NUP133: variants seen among roughly 807,000 people sequenced by gnomAD.
The protein encoded by NUP133 is nucleoporin 133, also known as nuclear pore complex protein Nup133.
A neutral mutation model predicts 146.2 loss-of-function variants in NUP133; 66 were observed. The observed-to-expected ratio is 0.45, with a 90% CI of 0.37 to 0.55. The LOEUF (loss-of-function observed/expected upper bound fraction) is 0.55. Among genes scored for constraint, NUP133 ranks in the 20% least tolerant of loss-of-function variants. NUP133 has a pLI of 0.00. For synonymous variants in NUP133, 521 were observed against 498.8 expected (o/e 1.04, Z -0.59); for missense variants, 1,277 against 1,374.8 (o/e 0.93, Z 1.12).
At position 229,463,643 on chromosome 1, in the gene NUP133, A is replaced by G; in HGVS notation, c.2585T>C (p.Leu862Pro). The G allele has an allele frequency of 6.2e-7, 1 of 1,614,060 alleles. No homozygotes were observed. Among genetic ancestry groups the G allele is most frequent in the South Asian group, 1.1e-5 (1 of 91,056 alleles). The stretch of plus-strand genomic sequence containing the variant: ...ATCAAAGTCACAGTATTTCTCTGCT[A>G]GAGAAGCAGCCCACAGGTACTGGCC... ...SLGQYLWAAS[L>P]AEKYCDFDIL... Residue 862 changes from leucine to proline, a missense_variant, in exon 19 of 26, where the codon CTA (leucine) becomes CCA (proline). Coordinates refer to ENST00000261396, the MANE Select transcript of NUP133 (RefSeq NM_018230.3).
Position 229,496,032 on chromosome 1 carries a change from A to G in NUP133, c.835T>C (p.Trp279Arg). Residue 279 changes from tryptophan (W) to arginine (R), a missense_variant, in exon 7 of 26, where the codon TGG becomes CGG. Physicochemically the swap from Trp to Arg is moderately radical, Grantham distance 101. Coordinates refer to ENST00000261396, the MANE Select transcript of NUP133 (RefSeq NM_018230.3). Reference sequence around the variant, plus strand: ...TAAAAGCTTGATCTCTCTCTATCCCAGAGAACACTTGAAAGCTATTCAGAA... The same window carrying G: ...TAAAAGCTTGATCTCTCTCTATCCCGGAGAACACTTGAAAGCTATTCAGAA... ...SSDLTLSSVL[W>R]DRERSSFYSL... 6.3e-7 allele frequency: 1 copy of G among 1,586,272 alleles called. No individual in the cohort carries two copies. The highest frequency in any genetic ancestry group is 8.5e-7 in the Non-Finnish European group (1 of 1,171,156).
At position 229,500,878 on chromosome 1, in the gene NUP133, C is replaced by A. The variant is rs764902998; in HGVS notation, c.406-15G>T. On this transcript the variant is annotated splice_polypyrimidine_tract_variant and intron_variant, in intron 3 of 25. Coordinates refer to ENST00000261396, the MANE Select transcript of NUP133 (RefSeq NM_018230.3). ...CAAACGGATAACTGTAGAACAAACC[C>A]AAACAGAAAATCTTTCACATCAAAT... 1 of 1,545,010 alleles carries A rather than the reference C, an allele frequency of 6.5e-7. No homozygotes were observed. The highest frequency in any genetic ancestry group is 1.7e-5 in the Admixed American group (1 of 57,324).
chr1:229,505,508 T>G lies in NUP133; in HGVS notation c.301+532A>C, dbSNP rs115608346. 3.3e-3 allele frequency among the ~76,000 whole-genome samples: 495 copies of G among 150,238 alleles called. 4 individuals carry two copies. The highest frequency in any genetic ancestry group is 0.011 in the African/African-American group (440 of 40,792). On this transcript the variant is annotated intron_variant, in intron 2 of 25. Transcript: ENST00000261396. ...AAAACCATTAAAGACTTAATTTGAT[T>G]GTGTTCAAATGAACTCATTCTCCTT...
At position 229,505,807 on chromosome 1, in the gene NUP133, G is replaced by C. The variant is rs1661920267; in HGVS notation, c.301+233C>G. On this transcript the variant is annotated intron_variant, in intron 2 of 25. Coordinates refer to ENST00000261396, the MANE Select transcript of NUP133 (RefSeq NM_018230.3). ...GGAGGCTGAGGCAGGAAACTCGCTT[G>C]AACCTGGGAGGTGGTGGTTGCAGTG... is the stretch of plus-strand genomic sequence containing the variant. Among the ~76,000 whole-genome samples the C allele has an allele frequency of 3.9e-5, 6 of 152,118 alleles. 1 individual carries two copies. Among genetic ancestry groups the C allele is most frequent in the Admixed American group, 3.9e-4 (6 of 15,272 alleles).
intron 8 of NUP133, among the ~76,000 whole-genome samples, chr1:229,494,439 A>G (rs1661602265): frequency 6.6e-6 from 1 of 152,216 alleles, no homozygotes. Context: ...CTACTAACCC[A>G]AAACATGTAA....
At chr1:229,491,844 C>G (rs1397865100) in intron 8 of NUP133, among the ~76,000 whole-genome samples, 3 of 152,136 alleles carry the variant, frequency 2.0e-5, no homozygotes, top group Admixed American at 2.0e-4. Flanking sequence ...TTGGGAGAGG[C>G]TGAAGCAGGA....
chr1:229,498,977 C>A (rs908060063), intron 5 of NUP133, among the ~76,000 whole-genome samples: 1 of 152,092 alleles, frequency 6.6e-6, no homozygotes, highest in Non-Finnish European at 1.5e-5. Context: ...TAGTTCACTG[C>A]AGCCTCAATC....
At chr1:229,494,995 G>C (rs993065036) in intron 8 of NUP133, among the ~76,000 whole-genome samples, 1 of 152,160 alleles carries the variant, frequency 6.6e-6, no homozygotes, top group African/African-American at 2.4e-5. Context: ...TACTATTTAA[G>C]GCTGAAAAAT....
chr1:229,454,235 G>A (rs1181949117), intron 21 of NUP133, among the ~76,000 whole-genome samples: 1 of 152,186 alleles, frequency 6.6e-6, no homozygotes, highest in East Asian at 1.9e-4. Context: ...CCAGGTTGCA[G>A]CCCATGACCT....
chr1:229,490,043 T>C lies in NUP133; in HGVS notation c.1106A>G (p.Tyr369Cys), dbSNP rs1447086614. 2.5e-6 allele frequency: 4 copies of C among 1,611,816 alleles called. No individual in the cohort carries two copies. The highest frequency in any genetic ancestry group is 4.5e-5 in the East Asian group (2 of 44,808). The change falls in exon 9 of 26, where the codon TAT becomes TGT. Residue 369 changes from tyrosine (Y) to cysteine (C), a missense_variant. Coordinates refer to ENST00000261396, the MANE Select transcript of NUP133 (RefSeq NM_018230.3). ...ATCTTCTATTGTTATCAGAGAGTAA[T>C]AGATGAGACATGGATTGTCTGCTGA... ...WHSADNPCLI[Y>C]YSLITIEDNG...
In NUP133 at chr1:229,460,755, A is replaced by G; in HGVS notation, c.2700T>C (p.Phe900=). 1.2e-6 allele frequency: 2 copies of G among 1,610,164 alleles called. No individual in the cohort carries two copies. The highest frequency in any genetic ancestry group is 1.7e-6 in the Non-Finnish European group (2 of 1,178,486). ...TQFADQNFSD[F]LFRWYLEKGK... Reference sequence around the variant, plus strand: ...CTTTCTCCAGATACCAACGGAAGAGAAAGTCTGAAAAATTCTACAAATAAC... The same window carrying G: ...CTTTCTCCAGATACCAACGGAAGAGGAAGTCTGAAAAATTCTACAAATAAC... Residue 900 remains phenylalanine (F), a synonymous_variant, in exon 20 of 26, where the codon TTT becomes TTC. Transcript: ENST00000261396.
intron 13 of NUP133, among the ~76,000 whole-genome samples, chr1:229,476,708 G>A (rs2102767024): frequency 1.3e-5 from 2 of 152,232 alleles, no homozygotes; most frequent in East Asian, 3.9e-4. Context: ...TGGACCACCT[G>A]AGGTCAGGAG....
intron 8 of NUP133, among the ~76,000 whole-genome samples, chr1:229,493,289 C>T (rs550192578): frequency 6.6e-6 from 1 of 152,282 alleles, no homozygotes; most frequent in East Asian, 1.9e-4. Context: ...GTGATCCTCT[C>T]GCCTCAGCCT....
intron 21 of NUP133, 66 bp downstream of exon 21, chr1:229,458,094 AG>A (rs1660607678): frequency 1.3e-6 from 2 of 1,513,216 alleles, no homozygotes; most frequent in Non-Finnish European, 1.8e-6. Context: ...AACTGATGAC[AG>A]GAACACATCA....
At chr1:229,482,105 T>C (rs1274434761) in intron 12 of NUP133, among the ~76,000 whole-genome samples, 13 of 152,294 alleles carry the variant, frequency 8.5e-5, no homozygotes, top group Middle Eastern at 6.8e-3. Context: ...GACTGAACCA[T>C]GTAAAAGAAC....
At chr1:229,507,969 C>T in intron 1 of NUP133, 99 bp downstream of exon 1, 1 of 1,307,414 alleles carries the variant, frequency 7.6e-7, no homozygotes, top group South Asian at 2.4e-5. Context: ...TTCTATTCCG[C>T]CGCCCCGGTT....
At chr1:229,495,812 T>C (rs1014251928) in intron 7 of NUP133, 80 bp downstream of exon 7, 62 of 1,245,106 alleles carry the variant, frequency 5.0e-5, no homozygotes, top group Non-Finnish European at 6.4e-5. Flanking sequence ...TGTGTTGAAA[T>C]AAATAAAACA....
chr1:229,476,920 C>A (rs1429476197), intron 13 of NUP133, among the ~76,000 whole-genome samples: 1 of 136,962 alleles, frequency 7.3e-6, no homozygotes, highest in Non-Finnish European at 1.5e-5. Flanking sequence ...TAAGGGAGAC[C>A]CTGTTTCCAA....
intron 12 of NUP133, among the ~76,000 whole-genome samples, chr1:229,483,192 G>A (rs376115611): frequency 3.9e-5 from 6 of 152,062 alleles, no homozygotes; most frequent in South Asian, 2.1e-4. Context: ...TTGGCCTCCC[G>A]GGCTCATATG....
Sources: allele counts gnomAD v4.1 joint callset (sites outside exome capture counted in the v4.1 genomes callset), GRCh38; gene constraint gnomAD v4.1.1; transcripts MANE v1.5; gene names NCBI Gene and HGNC (gene_info 2026-07-23, HGNC 2026-07-21).